Variants in ZNF506 observed in about 807,000 individuals in gnomAD.
ZNF506 encodes the protein zinc finger protein 506.
A neutral mutation model predicts 11.6 loss-of-function variants in ZNF506; 10 were observed. That is an observed-to-expected ratio of 0.86 (90% CI 0.53 to 1.46). ZNF506 has a LOEUF of 1.46. Among genes scored for constraint, ZNF506 ranks in the 40% most tolerant of loss-of-function variants. ZNF506 has a pLI of 0.00. For synonymous variants in ZNF506, 156 were observed against 173.3 expected (o/e 0.90, Z 0.78); for missense variants, 425 against 521.2 (o/e 0.82, Z 1.80).
At position 19,805,978 on chromosome 19, in the gene ZNF506, C is replaced by T. The variant is rs1470307088; in HGVS notation, c.226+53G>A. ...TTTTAAGGACTCGCTTTCTCTTTGA[C>T]CTTGGGACCTCTATCTGTGTTGTCT... On this transcript the variant is annotated intron_variant, in intron 3 of 3. Coordinates refer to ENST00000540806, the MANE Select transcript of ZNF506 (RefSeq NM_001099269.3). The T allele has an allele frequency of 3.4e-6, 5 of 1,449,464 alleles. No individual in the cohort carries two copies. In the South Asian group the frequency reaches 5.0e-5, roughly 14 times the overall value. The allele number at this position is 1,449,464 out of a possible 1,614,324, so 89.8% of individuals were successfully genotyped here.
At chr19:19,821,310 G>A (rs2062965632) in intron 1 of ZNF506, among the ~76,000 whole-genome samples, 2 of 152,158 alleles carry the variant, frequency 1.3e-5, no homozygotes, top group Non-Finnish European at 2.9e-5. Context: ...ACCTTCCCGT[G>A]GCCCCTGAAC....
At chr19:19,800,897 G>C (rs960452830) in intron 3 of ZNF506, among the ~76,000 whole-genome samples, 2 of 151,844 alleles carry the variant, frequency 1.3e-5, no homozygotes, top group Non-Finnish European at 2.9e-5. Context: ...GCGGTGGCTC[G>C]CACCTGTAAT....
rs537162288 is a variant in ZNF506, at chr19:19,807,805, G to T, written c.4-737C>A. On this transcript the variant is annotated intron_variant, in intron 1 of 3. Coordinates refer to ENST00000540806, the MANE Select transcript of ZNF506 (RefSeq NM_001099269.3). ...TTATAGGCGTGAGCCACCGCGCCCG[G>T]TCAATTTTTTGAATTTCTAACAAGC... is the stretch of plus-strand genomic sequence containing the variant. 4.6e-5 allele frequency among the ~76,000 whole-genome samples: 7 copies of T among 152,148 alleles called. No individual in the cohort carries two copies. In the East Asian group the frequency reaches 1.4e-3, roughly 29 times the overall value.
chr19:19,799,491 C>G, intron 3 of ZNF506: 1 of 645,180 alleles, frequency 1.5e-6, no homozygotes, highest in East Asian at 2.8e-5. Context: ...TTTTTTTAAA[C>G]TAAAATTTCA....
chr19:19,815,311 T>C, intron 1 of ZNF506, among the ~76,000 whole-genome samples: 1 of 152,020 alleles, frequency 6.6e-6, no homozygotes, highest in East Asian at 1.9e-4. Context: ...GTGAGGTTCC[T>C]GAGGGTGGTG....
chr19:19,805,443 C>A (rs1041080659), intron 3 of ZNF506, among the ~76,000 whole-genome samples: 1 of 151,088 alleles, frequency 6.6e-6, no homozygotes, highest in Non-Finnish European at 1.5e-5. Flanking sequence ...TTTTTTTTCA[C>A]AGTAATCAAA....
chr19:19,813,909 T>C (rs2062905427), intron 1 of ZNF506, among the ~76,000 whole-genome samples: 1 of 152,072 alleles, frequency 6.6e-6, no homozygotes, highest in Non-Finnish European at 1.5e-5. Context: ...GCCTGGGAAG[T>C]TGAGGCTAAA....
In ZNF506 at chr19:19,793,475, G is replaced by A. The variant is rs2062711138; in HGVS notation, c.*1077C>T. Among the ~76,000 whole-genome samples, 1 of 152,070 alleles carries A rather than the reference G, an allele frequency of 6.6e-6. No homozygotes were observed. The highest frequency in any genetic ancestry group is 2.1e-4 in the South Asian group (1 of 4,826). ...AAATTCCATGTTGTTGAATAAAGCT[G>A]GAGCAACTGCTTCAGGTTTTCCTCT... On this transcript the variant is annotated 3_prime_UTR_variant, in exon 4 of 4. Coordinates refer to ENST00000540806, the MANE Select transcript of ZNF506 (RefSeq NM_001099269.3).
At chr19:19,798,017 A>G (rs190705432) in intron 3 of ZNF506, 1 of 152,300 alleles carries the variant, frequency 6.6e-6, no homozygotes, top group East Asian at 1.9e-4. Context: ...TCCACAGAAA[A>G]TAACATAATG....
rs2062969092 is a variant in ZNF506 at position 19,821,734 on chromosome 19, C to G, written c.-131G>C. On this transcript the variant is annotated 5_prime_UTR_variant, in exon 1 of 4. Coordinates refer to ENST00000540806, the MANE Select transcript of ZNF506 (RefSeq NM_001099269.3). Reference sequence around the variant, plus strand: ...GTGAAGACGATAGCTGGATCTCTGGCGTCAGCGAGAGACAATGGGCCCGCC... The same window carrying G: ...GTGAAGACGATAGCTGGATCTCTGGGGTCAGCGAGAGACAATGGGCCCGCC... 5 of 1,241,250 alleles carry G rather than the reference C, an allele frequency of 4.0e-6. No individual in the cohort carries two copies. In the Admixed American group the frequency reaches 9.0e-5, roughly 22 times the overall value. The allele number at this position is 1,241,250 out of a possible 1,614,324, so 76.9% of individuals were successfully genotyped here. A position where few individuals can be genotyped will look rare whatever the true frequency, so the allele number is the denominator to read the frequency against.
chr19:19,794,953 G>A lies in ZNF506; in HGVS notation c.934C>T (p.Pro312Ser). ...TTGCCACATTCCTCACATTTGTAGG[G>A]TTTCTCTCCAGTATGAATTATCTCA... ...KHEIIHTGEK[P>S]YKCEECGKAF... Residue 312 changes from proline (P) to serine (S), a missense_variant, in exon 4 of 4, where the codon CCC becomes TCC. This residue lies in a region of ZNF506 where 192 missense variants were observed against 215.7 expected (regional missense o/e 0.89). Transcript: ENST00000540806. The A allele has an allele frequency of 6.8e-6, 11 of 1,613,866 alleles. No homozygotes were observed. The highest frequency in any genetic ancestry group is 9.3e-6 in the Non-Finnish European group (11 of 1,179,998).
intron 1 of ZNF506, 23 bp from the exon 2 acceptor site, chr19:19,807,091 T>A (rs780007675): frequency 1.7e-5 from 28 of 1,612,200 alleles, no homozygotes; most frequent in Non-Finnish European, 2.3e-5. Context: ...CACACACTTA[T>A]TTTTACCAAG....
chr19:19,807,504 CTTAT>C (rs573294630), intron 1 of ZNF506, among the ~76,000 whole-genome samples: 6 of 151,720 alleles, frequency 4.0e-5, no homozygotes, highest in African/African-American at 7.3e-5. Flanking sequence ...TAAAGTCTTT[CTTAT>C]TTATTTATTT....
chr19:19,798,736 C>G (rs1231056436), intron 3 of ZNF506: 1 of 144,620 alleles, frequency 6.9e-6, no homozygotes, highest in Non-Finnish European at 1.5e-5. Flanking sequence ...CATGTCAACA[C>G]AAAAATAAAA....
intron 1 of ZNF506, among the ~76,000 whole-genome samples, chr19:19,819,870 G>C (rs950613755): frequency 6.6e-6 from 1 of 152,148 alleles, no homozygotes; most frequent in African/African-American, 2.4e-5. Context: ...AGGCTGAGAC[G>C]GGCGGATCAC....
intron 1 of ZNF506, among the ~76,000 whole-genome samples, chr19:19,814,984 G>A (rs2062917957): frequency 6.6e-6 from 1 of 152,176 alleles, no homozygotes; most frequent in South Asian, 2.1e-4. Context: ...TGGGCCGGGC[G>A]CTGTGGCTCA....
Position 19,793,802 on chromosome 19 carries a change from TGTA to T in ZNF506, c.*747_*749del, listed in dbSNP as rs2062714217. 6.6e-6 allele frequency: 1 copy of T among 152,182 alleles called. No homozygotes were observed. The highest frequency in any genetic ancestry group is 6.5e-5 in the Admixed American group (1 of 15,270). 9.4% of individuals were successfully genotyped at this position (152,182 alleles called of 1,614,324 possible). ...AAAGTTTTGCCACATTCTTCACACT[TGTA>T]GGAGTTTTGGCAGCATTAATTCTCT... On this transcript the variant is annotated 3_prime_UTR_variant, in exon 4 of 4. Coordinates refer to ENST00000540806, the MANE Select transcript of ZNF506 (RefSeq NM_001099269.3).
At chr19:19,802,951 C>G (rs2062807048) in intron 3 of ZNF506, among the ~76,000 whole-genome samples, 1 of 152,168 alleles carries the variant, frequency 6.6e-6, no homozygotes, top group East Asian at 1.9e-4. Context: ...AGGAGAACTG[C>G]TTCAGGCCAG....
chr19:19,797,492 GGAACACA>G (rs1222049319), intron 3 of ZNF506: 1 of 148,964 alleles, frequency 6.7e-6, no homozygotes, highest in East Asian at 1.9e-4. Context: ...AAGTGAAACA[GGAACACA>G]GACAACTACT....
Sources: allele counts gnomAD v4.1 joint callset (sites outside exome capture counted in the v4.1 genomes callset), GRCh38; gene constraint gnomAD v4.1.1; regional missense constraint gnomAD v4.1.1; transcripts MANE v1.5; gene names NCBI Gene and HGNC (gene_info 2026-07-23, HGNC 2026-07-21).